ATXN1: variants seen among roughly 807,000 people sequenced by gnomAD.
ATXN1 encodes ataxin 1.
Under a neutral mutation model 56.4 loss-of-function variants are expected in ATXN1, and 8 were observed. That is an observed-to-expected ratio of 0.14 (90% CI 0.08 to 0.26). ATXN1 has a LOEUF of 0.26. ATXN1 is among the 10% of genes least tolerant of loss of function. ATXN1 has a pLI of 1.00. For synonymous variants in ATXN1, 514 were observed against 494.6 expected, an observed-to-expected ratio of 1.04 and a Z score of -0.52; for missense variants, 987 against 1,106.5, an observed-to-expected ratio of 0.89 and a Z score of 1.53.
At chr6:16,736,571 T>A (rs764276618) in intron 2 of ATXN1, among the ~76,000 whole-genome samples, 3 of 152,206 alleles carry the variant, frequency 2.0e-5, no homozygotes, top group Non-Finnish European at 4.4e-5. Context: ...ACTGAATATA[T>A]TTTATGAGAT....
Position 16,506,623 on chromosome 6 carries a change from G to T in ATXN1, c.-299+16004C>A, listed in dbSNP as rs1760985853. Among the ~76,000 whole-genome samples, 2 of 152,168 alleles carry T rather than the reference G, an allele frequency of 1.3e-5. No individual in the cohort carries two copies. Among genetic ancestry groups the T allele is most frequent in the South Asian group, 4.1e-4 (2 of 4,832 alleles). On this transcript the variant is annotated intron_variant, in intron 5 of 7. Transcript: ENST00000436367. This position sits in a 1 kb window ranked among gnomAD's most constrained non-coding sequence, Gnocchi z 4.1. ...CTTGTTCAGAAGTGTTAGGAGAATT[G>T]ATGAGTTAATGTTGGTAAATCACTC...
intron 4 of ATXN1, among the ~76,000 whole-genome samples, chr6:16,524,112 G>A (rs541690936): frequency 3.3e-5 from 5 of 152,282 alleles, no homozygotes; most frequent in African/African-American, 4.8e-5. Flanking sequence ...GCATGTGGCC[G>A]GCCACCAGGG....
chr6:16,519,903 TC>T (rs954508969), intron 5 of ATXN1, among the ~76,000 whole-genome samples: 5 of 152,018 alleles, frequency 3.3e-5, no homozygotes, highest in Non-Finnish European at 5.9e-5. Context: ...AACCACATTC[TC>T]CGCATATCAC....
At chr6:16,731,156 T>A (rs1374634183) in intron 2 of ATXN1, among the ~76,000 whole-genome samples, 1 of 152,128 alleles carries the variant, frequency 6.6e-6, no homozygotes, top group Non-Finnish European at 1.5e-5. Flanking sequence ...ATACTCTATT[T>A]TTCCCTTTAA....
Position 16,552,457 on chromosome 6 carries a change from GAGAGA to G in ATXN1, c.-360-29774_-360-29770del, listed in dbSNP as rs1199424867. Among the ~76,000 whole-genome samples, 4 of 152,232 alleles carry G rather than the reference GAGAGA, an allele frequency of 2.6e-5. No homozygotes were observed. In the East Asian group the frequency reaches 5.8e-4, roughly 22 times the overall value. On this transcript the variant is annotated intron_variant, in intron 4 of 7. Coordinates refer to ENST00000436367, the MANE Select transcript of ATXN1 (RefSeq NM_001128164.2). ...TATTGTGCACAACGTTACGTTAGCAGAGAGAAGACGAAGCAGCACCTTCATTCACA... is the reference window on the plus strand; with the variant it reads ...TATTGTGCACAACGTTACGTTAGCAGAGACGAAGCAGCACCTTCATTCACA...
chr6:16,554,811 G>C (rs529621241), intron 4 of ATXN1, among the ~76,000 whole-genome samples: 1 of 151,968 alleles, frequency 6.6e-6, no homozygotes, highest in African/African-American at 2.4e-5. Context: ...GGCTGGTCTC[G>C]AACTCCTGAC....
chr6:16,749,961 T>C (rs533739044), intron 2 of ATXN1: 16 of 152,504 alleles, frequency 1.0e-4, no homozygotes, highest in African/African-American at 3.8e-4. Context: ...CAAAATGTCC[T>C]GGTCAGTTAC....
At chr6:16,707,656 G>C (rs1203888510) in intron 2 of ATXN1, among the ~76,000 whole-genome samples, 2 of 152,200 alleles carry the variant, frequency 1.3e-5, no homozygotes, top group African/African-American at 4.8e-5. Context: ...GGGAATTCTT[G>C]CAGGAAAGAA....
chr6:16,514,802 T>C (rs1761148272), intron 5 of ATXN1, among the ~76,000 whole-genome samples: 1 of 151,766 alleles, frequency 6.6e-6, no homozygotes, highest in Admixed American at 6.6e-5. Context: ...GCCAACATGG[T>C]GAAACCCCAT....
At chr6:16,443,165 A>C (rs2113600893) in intron 6 of ATXN1, among the ~76,000 whole-genome samples, 1 of 150,348 alleles carries the variant, frequency 6.7e-6, no homozygotes, top group Non-Finnish European at 1.5e-5. Context: ...CTGGGTGACA[A>C]AGTGAGACCC....
At chr6:16,661,439 C>T (rs1310994753) in intron 2 of ATXN1, among the ~76,000 whole-genome samples, 1 of 152,128 alleles carries the variant, frequency 6.6e-6, no homozygotes, top group Non-Finnish European at 1.5e-5. Context: ...ATCTGCCTTA[C>T]ATTTTAAGGG....
intron 4 of ATXN1, among the ~76,000 whole-genome samples, chr6:16,541,177 T>C (rs918683279): frequency 2.2e-4 from 34 of 152,320 alleles, no homozygotes; most frequent in Middle Eastern, 3.4e-3. Flanking sequence ...TCAAAGTTTA[T>C]GGGGAGCCTC....
At chr6:16,332,656 A>C (rs1761019436) in intron 6 of ATXN1, among the ~76,000 whole-genome samples, 1 of 152,258 alleles carries the variant, frequency 6.6e-6, no homozygotes, top group Non-Finnish European at 1.5e-5. Flanking sequence ...CTATTGGAAA[A>C]GGGAAATTGG....
In ATXN1 at chr6:16,539,399, C is replaced by T. The variant is rs550952611; in HGVS notation, c.-360-16711G>A. 9.7e-4 allele frequency among the ~76,000 whole-genome samples: 147 copies of T among 152,114 alleles called. 1 individual carries two copies. The highest frequency in any genetic ancestry group is 8.3e-3 in the South Asian group (40 of 4,812). ...TATTTTGCTCTGAACTTCACACTGACGATATTATACACAGTCATGGCAGTG... is the reference window on the plus strand; with the variant it reads ...TATTTTGCTCTGAACTTCACACTGATGATATTATACACAGTCATGGCAGTG... On this transcript the variant is annotated intron_variant, in intron 4 of 7. Coordinates refer to ENST00000436367, the MANE Select transcript of ATXN1 (RefSeq NM_001128164.2).
chr6:16,312,825 C>T (rs752852943), intron 7 of ATXN1, among the ~76,000 whole-genome samples: 8 of 152,098 alleles, frequency 5.3e-5, no homozygotes, highest in Admixed American at 1.3e-4. Flanking sequence ...CCCCATACCC[C>T]CCTCCCATAA....
chr6:16,477,570 G>A (rs1760351995), intron 6 of ATXN1, among the ~76,000 whole-genome samples: 1 of 152,124 alleles, frequency 6.6e-6, no homozygotes, highest in Admixed American at 6.5e-5. Context: ...CAGGAAAAGG[G>A]GCCAAGAGGG....
intron 4 of ATXN1, among the ~76,000 whole-genome samples, chr6:16,567,699 C>A (rs567390981): frequency 6.6e-6 from 1 of 151,972 alleles, no homozygotes; most frequent in South Asian, 2.1e-4. Context: ...GAAGGCATAT[C>A]TCCAGGACCA....
At chr6:16,568,100 C>T (rs1029443405) in intron 4 of ATXN1, among the ~76,000 whole-genome samples, 4 of 152,160 alleles carry the variant, frequency 2.6e-5, no homozygotes, top group East Asian at 1.9e-4. Context: ...ATTATTTCTG[C>T]GCCCCCTTCT....
intron 6 of ATXN1, among the ~76,000 whole-genome samples, chr6:16,453,740 T>C (rs1759804078): frequency 6.6e-6 from 1 of 152,214 alleles, no homozygotes; most frequent in South Asian, 2.1e-4. Context: ...CCCAACTGTC[T>C]ACACATAAAT....
Sources: allele counts gnomAD v4.1 joint callset (sites outside exome capture counted in the v4.1 genomes callset), GRCh38; gene constraint gnomAD v4.1.1; non-coding constraint Gnocchi (gnomAD v3.1); transcripts MANE v1.5; gene names NCBI Gene and HGNC (gene_info 2026-07-23, HGNC 2026-07-21).